The following MOXD1 variants were observed in gnomAD, a reference collection of about 807,000 sequenced individuals.
MOXD1 encodes the protein DBH-like monooxygenase protein 1.
A neutral mutation model predicts 66.6 loss-of-function variants in MOXD1; 62 were observed. That is an observed-to-expected ratio of 0.93 (90% confidence interval 0.76 to 1.15). The LOEUF (loss-of-function observed/expected upper bound fraction) is 1.15. Ranked by LOEUF, MOXD1 falls within the 50% of genes most tolerant of loss-of-function variation. The probability of loss-of-function intolerance (pLI) is 0.00; values close to 1 mark genes in which losing one functional copy is unlikely to be tolerated. For missense variants in MOXD1, 847 were observed against 754.6 expected (o/e 1.12, Z -1.44); for synonymous variants, 303 against 281.9 (o/e 1.07, Z -0.75).
chr6:132,389,403 G>C (rs1333142637), intron 1 of MOXD1, among the ~76,000 whole-genome samples: 2 of 151,464 alleles, frequency 1.3e-5, no homozygotes, highest in Non-Finnish European at 3.0e-5. Context: ...CATGTCCTAT[G>C]TCTGCAATTT....
chr6:132,302,578 G>A (rs1174241349), intron 10 of MOXD1, among the ~76,000 whole-genome samples: 1 of 151,990 alleles, frequency 6.6e-6, no homozygotes, highest in African/African-American at 2.4e-5. Context: ...AAGTGAAGAG[G>A]CATACCATGT....
chr6:132,333,416 C>T (rs190395936), intron 4 of MOXD1, among the ~76,000 whole-genome samples: 1 of 151,564 alleles, frequency 6.6e-6, no homozygotes, highest in Admixed American at 6.6e-5. Flanking sequence ...CTGGTTACTT[C>T]ACACATTCAC....
rs540019711 is a variant in MOXD1 at position 132,368,308 on chromosome 6, T to G, written c.663+4300A>C. ...GCTTAAAAAGAGTCATGCTGAAATA[T>G]GGAGAGGTGGGCTGCAGAGTGGTCT... On this transcript the variant is annotated intron_variant, in intron 4 of 11. Coordinates refer to ENST00000367963, the MANE Select transcript of MOXD1 (RefSeq NM_015529.4). Among the ~76,000 whole-genome samples, 483 of 152,172 alleles carry G rather than the reference T, an allele frequency of 3.2e-3. 5 individuals are homozygous for G. The highest frequency in any genetic ancestry group is 8.9e-3 in the African/African-American group (370 of 41,518).
At chr6:132,377,639 T>C (rs1259790763) in intron 1 of MOXD1, among the ~76,000 whole-genome samples, 2 of 152,210 alleles carry the variant, frequency 1.3e-5, no homozygotes, top group African/African-American at 4.8e-5. Flanking sequence ...ATCTGCCCTA[T>C]GTAACCAAGT....
intron 1 of MOXD1, among the ~76,000 whole-genome samples, chr6:132,382,311 T>C (rs542277964): frequency 7.9e-5 from 12 of 152,096 alleles, no homozygotes; most frequent in Non-Finnish European, 1.6e-4. Flanking sequence ...AAAATGTAAA[T>C]ATAAAAGCTG....
chr6:132,387,852 G>A (rs1776684748), intron 1 of MOXD1, among the ~76,000 whole-genome samples: 1 of 148,452 alleles, frequency 6.7e-6, no homozygotes, highest in East Asian at 2.0e-4. Context: ...CAAGGATATA[G>A]TGAGAAACCC....
At chr6:132,322,993 G>T in intron 7 of MOXD1, 123 bp from the exon 8 acceptor site, 1 of 852,266 alleles carries the variant, frequency 1.2e-6, no homozygotes. Context: ...ATGAATGCTT[G>T]AACTGAAAAA....
At chr6:132,347,754 G>A (rs1775696182) in intron 4 of MOXD1, among the ~76,000 whole-genome samples, 1 of 152,084 alleles carries the variant, frequency 6.6e-6, no homozygotes, top group Non-Finnish European at 1.5e-5. Flanking sequence ...ATATTTAAAA[G>A]ACTATGCTTA....
rs115774534 is a variant in MOXD1 at position 132,365,266 on chromosome 6, T to C, written c.663+7342A>G. 5.9e-3 allele frequency among the ~76,000 whole-genome samples: 902 copies of C among 152,264 alleles called. 6 individuals are homozygous for C. Among genetic ancestry groups the C allele is most frequent in the African/African-American group, 0.02 (847 of 41,564 alleles). On this transcript the variant is annotated intron_variant, in intron 4 of 11. Coordinates refer to ENST00000367963, the MANE Select transcript of MOXD1 (RefSeq NM_015529.4). Reference sequence around the variant, plus strand: ...GATTCTGGGGCACTTTGGCATGCTCTAGAAAGGACTAAGATGCCTCCAAAC... The same window carrying C: ...GATTCTGGGGCACTTTGGCATGCTCCAGAAAGGACTAAGATGCCTCCAAAC...
At chr6:132,336,875 G>A (rs1425953773) in intron 4 of MOXD1, among the ~76,000 whole-genome samples, 1 of 152,148 alleles carries the variant, frequency 6.6e-6, no homozygotes, top group Non-Finnish European at 1.5e-5. Context: ...GCCACAATTG[G>A]TAAGTTCAGG....
At chr6:132,354,542 G>C (rs972745435) in intron 4 of MOXD1, among the ~76,000 whole-genome samples, 1 of 152,216 alleles carries the variant, frequency 6.6e-6, no homozygotes, top group Non-Finnish European at 1.5e-5. Flanking sequence ...ACCAGCACCT[G>C]TTCCAGTGGA....
intron 1 of MOXD1, among the ~76,000 whole-genome samples, chr6:132,400,796 C>T (rs1777005717): frequency 6.6e-6 from 1 of 152,208 alleles, no homozygotes; most frequent in Non-Finnish European, 1.5e-5. Flanking sequence ...CCTCTGAGAG[C>T]TGTCCCATTA....
Position 132,372,604 on chromosome 6 carries a change from A to G in MOXD1, c.663+4T>C. 6.2e-7 allele frequency: 1 copy of G among 1,607,076 alleles called. No individual in the cohort carries two copies. Among genetic ancestry groups the G allele is most frequent in the Admixed American group, 1.7e-5 (1 of 59,984 alleles). On this transcript the variant is annotated splice_donor_region_variant and intron_variant, in intron 4 of 11. Coordinates refer to ENST00000367963, the MANE Select transcript of MOXD1 (RefSeq NM_015529.4). Reference sequence around the variant, plus strand: ...TAATTTTAGCCTATGAATGAGTCACATACCTTTATTACATGATGCTTTTCT... The same window carrying G: ...TAATTTTAGCCTATGAATGAGTCACGTACCTTTATTACATGATGCTTTTCT...
chr6:132,297,579 C>A (rs1562274307), intron 11 of MOXD1, among the ~76,000 whole-genome samples: 1 of 152,148 alleles, frequency 6.6e-6, no homozygotes, highest in African/African-American at 2.4e-5. Context: ...TCTATCCCAA[C>A]CTTAGTTTTA....
chr6:132,364,484 G>A (rs1008098038), intron 4 of MOXD1, among the ~76,000 whole-genome samples: 1 of 152,040 alleles, frequency 6.6e-6, no homozygotes, highest in Admixed American at 6.6e-5. Flanking sequence ...TCCTCACTTT[G>A]CAAGTCAAGA....
rs1021178866 is a variant in MOXD1 at position 132,388,128 on chromosome 6, TC to T, written c.264+13034del. On this transcript the variant is annotated intron_variant, in intron 1 of 11. Transcript: ENST00000367963. ...CTAAGTTCAAAAGCTGGAATATTTGTCTTCATGTGGTCTTCTGACCATCGTC... is the reference window on the plus strand; with the variant it reads ...CTAAGTTCAAAAGCTGGAATATTTGTTTCATGTGGTCTTCTGACCATCGTC... 1.8e-3 allele frequency among the ~76,000 whole-genome samples: 280 copies of T among 151,618 alleles called. 4 individuals are homozygous for T. The highest frequency in any genetic ancestry group is 6.4e-3 in the African/African-American group (265 of 41,510).
chr6:132,320,572 C>T, intron 9 of MOXD1, 57 bp downstream of exon 9: 1 of 1,401,390 alleles, frequency 7.1e-7, no homozygotes, highest in Non-Finnish European at 9.8e-7. Context: ...CTTCTAAAAT[C>T]AAGTTTATTT....
chr6:132,395,627 C>A (rs72994872), intron 1 of MOXD1, among the ~76,000 whole-genome samples: 25,199 of 152,106 alleles, frequency 0.17, 2,538 homozygotes, highest in Middle Eastern at 0.25. Flanking sequence ...ACACTGCTTA[C>A]CATACTCATC....
At chr6:132,377,305 T>C (rs1474993323) in intron 1 of MOXD1, among the ~76,000 whole-genome samples, 3 of 152,216 alleles carry the variant, frequency 2.0e-5, no homozygotes, top group African/African-American at 7.2e-5. Context: ...ACAATGTCTG[T>C]AGACAATGAG....
Sources: gnomAD v4.1 joint callset for allele counts (sites outside exome capture counted in the v4.1 genomes callset) on GRCh38, gnomAD v4.1.1 for gene constraint, MANE v1.5 for transcripts, NCBI Gene and HGNC (gene_info 2026-07-23, HGNC 2026-07-21) for gene names.